VNN2: variants seen among roughly 807,000 people sequenced by gnomAD.
VNN2 encodes vanin 2, also known as pantetheine hydrolase VNN2.
In VNN2, 43 loss-of-function variants were observed where a neutral mutation model predicts 43.0. That is an observed-to-expected ratio of 1.00 (90% CI 0.78 to 1.29). The LOEUF (loss-of-function observed/expected upper bound fraction) is 1.29, where lower values mean the gene tolerates loss of function less well. Among genes scored for constraint, VNN2 ranks in the 50% most tolerant of loss-of-function variants. The probability of loss-of-function intolerance (pLI) is 0.00; values close to 1 mark genes in which losing one functional copy is unlikely to be tolerated. For missense variants in VNN2, 652 were observed against 619.7 expected (o/e 1.05, Z -0.55); for synonymous variants, 230 against 224.3 (o/e 1.03, Z -0.23).
intron 3 of VNN2, chr6:132,753,846 A>G: frequency 6.5e-6 from 1 of 154,704 alleles, no homozygotes; most frequent in South Asian, 1.8e-4. Flanking sequence ...CCAGCTACTC[A>G]GGAGGCTGAG....
chr6:132,751,781 C>A (rs1780122193), intron 4 of VNN2, among the ~76,000 whole-genome samples: 2 of 152,206 alleles, frequency 1.3e-5, no homozygotes, highest in Admixed American at 1.3e-4. Context: ...ATTAAACCAA[C>A]TACAAAAATC....
upstream of VNN2, chr6:132,757,998 TTTTTCTTCTTCTTCTTCTTC>T (rs1425097730): frequency 5.9e-5 from 28 of 475,198 alleles, 2 homozygotes; most frequent in African/African-American, 6.5e-4. Flanking sequence ...TTTATCATCA[TTTTTCTTCTTCTTCTTCTTC>T]TTCTTCTTCT....
chr6:132,758,524 T>A (rs931046157), upstream of VNN2, among the ~76,000 whole-genome samples: 1 of 152,176 alleles, frequency 6.6e-6, no homozygotes, highest in Admixed American at 6.5e-5. Flanking sequence ...CCAGCTTTTG[T>A]TAATAGAAAC....
rs752818889 is a variant in VNN2, at chr6:132,752,654, G to A, written c.633C>T (p.Cys211=). ...TAFGRFGIFT[C]FDIFFYDPGV... Reference sequence around the variant, plus strand: ...CAGGATCATAGAAGAATATATCAAAGCACGTGAAAATGCCAAACCTTCCAA... The same window carrying A: ...CAGGATCATAGAAGAATATATCAAAACACGTGAAAATGCCAAACCTTCCAA... The change falls in exon 4 of 7, where the codon TGC becomes TGT. Residue 211 remains cysteine (C), a synonymous_variant. Transcript: ENST00000326499. 9.4e-5 allele frequency: 152 copies of A among 1,614,012 alleles called. No homozygotes were observed. The highest frequency in any genetic ancestry group is 1.2e-4 in the Non-Finnish European group (141 of 1,180,026).
At position 132,744,482 on chromosome 6, in the gene VNN2, C is replaced by G; in HGVS notation, c.1381G>C (p.Asp461His). 6.4e-7 allele frequency: 1 copy of G among 1,572,544 alleles called. No individual in the cohort carries two copies. The highest frequency in any genetic ancestry group is 8.6e-7 in the Non-Finnish European group (1 of 1,164,666). Residue 461 changes from aspartate to histidine, a missense_variant, in exon 7 of 7, where the codon GAT becomes CAT. By Grantham distance (81) the Asp-to-His change is moderately conservative. Coordinates refer to ENST00000326499, the MANE Select transcript of VNN2 (RefSeq NM_004665.6). ...CCATTCTTGTTTACCAAACGCCCAT[C>G]TTTCAGCACCTAAAGAAAAGGTGGG... is the stretch of plus-strand genomic sequence containing the variant. Reference protein sequence around the residue: ...LSPGKFEVLKDGRLVNKNGSS... With the variant: ...LSPGKFEVLKHGRLVNKNGSS...
At chr6:132,752,859 T>C in intron 3 of VNN2, 110 bp from the exon 4 acceptor site, 1 of 1,222,564 alleles carries the variant, frequency 8.2e-7, no homozygotes, top group Non-Finnish European at 1.1e-6. Flanking sequence ...CTGCAGGGAA[T>C]CTCCTAGGAA....
rs1230697463 is a variant in VNN2, at chr6:132,757,712, T to C, written c.172A>G (p.Ile58Val). The C allele has an allele frequency of 6.8e-6, 11 of 1,614,210 alleles. No homozygotes were observed. Among genetic ancestry groups the C allele is most frequent in the African/African-American group, 1.3e-5 (1 of 75,060 alleles). The change falls in exon 1 of 7, where the codon ATA becomes GTA. Residue 58 changes from isoleucine (I) to valine (V), a missense_variant. Ile to Val is a conservative substitution (Grantham distance 29). Coordinates refer to ENST00000326499, the MANE Select transcript of VNN2 (RefSeq NM_004665.6). ...EDALNLMNENIDILETAIKQA... is the reference protein window; with the variant it reads ...EDALNLMNENVDILETAIKQA... ...TTGATCGCTGTCTCCAGAATGTCTA[T>C]ATTCTCGTTCATGAGATTCAAGGCA...
chr6:132,761,024 A>G (rs1216094105), upstream of VNN2, among the ~76,000 whole-genome samples: 1 of 152,218 alleles, frequency 6.6e-6, no homozygotes, highest in African/African-American at 2.4e-5. Flanking sequence ...AGCAATTTAA[A>G]TATAGGAAAA....
At chr6:132,753,507 T>A (rs150068345) in intron 3 of VNN2, 1 of 454,116 alleles carries the variant, frequency 2.2e-6, no homozygotes, top group Non-Finnish European at 4.4e-6. Flanking sequence ...AAAATTACCA[T>A]AGAAATGTAT....
rs149913930 is a variant in VNN2 at position 132,755,809 on chromosome 6, C to T, written c.537+34G>A. On this transcript the variant is annotated intron_variant, in intron 3 of 6. Coordinates refer to ENST00000326499, the MANE Select transcript of VNN2 (RefSeq NM_004665.6). ...AACCCAGCATTGACCACTCACAACA[C>T]GCTCCATTTTACACGTCCGTCACTC... 550 of 1,573,636 alleles carry T rather than the reference C, an allele frequency of 3.5e-4. 4 individuals are homozygous for T. The African/African-American group carries it at 5.9e-3, about 17-fold the overall frequency.
Position 132,751,459 on chromosome 6 carries a change from A to G in VNN2, c.886T>C (p.Leu296=). ...KVYHYDMKTE[L]GKLLLSEVDS... is the part of the protein sequence containing the mutation. ...ACCTCTGAAAGGAGAAGTTTTCCCA[A>G]CTCTGTCTTCATGTCATAATGATAC... The change falls in exon 5 of 7, where the codon TTG becomes CTG. Residue 296 remains leucine (L), a synonymous_variant. Coordinates refer to ENST00000326499, the MANE Select transcript of VNN2 (RefSeq NM_004665.6). 6.2e-7 allele frequency: 1 copy of G among 1,613,924 alleles called. No individual in the cohort carries two copies. The highest frequency in any genetic ancestry group is 1.1e-5 in the South Asian group (1 of 91,064).
In VNN2 at chr6:132,744,378, G is replaced by C. The variant is rs1245147739; in HGVS notation, c.1485C>G (p.Thr495=). ...GCAGGTAAGTTATTGCTGAATTGCT[G>C]GTCCCACATGAGCTGTAAAGTGAGT... ...TKDSLYSSCG[T]SNSAITYLLI... is the part of the protein sequence containing the mutation. Residue 495 remains threonine, a synonymous_variant, in exon 7 of 7, where the codon ACC becomes ACG. Coordinates refer to ENST00000326499, the MANE Select transcript of VNN2 (RefSeq NM_004665.6). 1 of 1,613,404 alleles carries C rather than the reference G, an allele frequency of 6.2e-7. No individual in the cohort carries two copies.
chr6:132,751,390 T>G lies in VNN2; in HGVS notation c.955A>C (p.Asn319His). 1 of 1,614,184 alleles carries G rather than the reference T, an allele frequency of 6.2e-7. No individual in the cohort carries two copies. The highest frequency in any genetic ancestry group is 1.3e-5 in the African/African-American group (1 of 75,044). ...ATGGTGGTGGCGTAGGCATTCCAAT[T>G]AACAGCTGTTGGGTAGGCAAGCGAG... ...LSSLAYPTAV[N>H]WNAYATTIKP... The change falls in exon 5 of 7, where the codon AAT becomes CAT. Residue 319 changes from asparagine to histidine, a missense_variant. By Grantham distance (68) the Asn-to-His change is moderately conservative (BLOSUM62 1). Coordinates refer to ENST00000326499, the MANE Select transcript of VNN2 (RefSeq NM_004665.6).
rs2114562032 is a variant in VNN2, at chr6:132,751,276, T to C, written c.1069A>G (p.Asn357Asp). ...AGCTCCTTTTGACAGACTGTAAGGT[T>C]TCCTGCATTTTCAAAAAGTTCTGTG... ...NFTELFENAG[N>D]LTVCQKELCC... Residue 357 changes from asparagine to aspartate, a missense_variant, in exon 5 of 7, where the codon AAC becomes GAC. Asn to Asp is a conservative substitution (Grantham distance 23). Transcript: ENST00000326499. The C allele has an allele frequency of 2.5e-6, 4 of 1,614,198 alleles. No homozygotes were observed. The highest frequency in any genetic ancestry group is 3.4e-6 in the Non-Finnish European group (4 of 1,180,036).
rs780213129 is a variant in VNN2, at chr6:132,751,518, C to A, written c.827G>T (p.Gly276Val). ...NTHHVSLNMT[G>V]SGIYAPNGPK... Reference sequence around the variant, plus strand: ...ACCATTTGGTGCATAAATACCACTTCCTGTGAATGAAAGACAAGTCTTCTA... The same window carrying A: ...ACCATTTGGTGCATAAATACCACTTACTGTGAATGAAAGACAAGTCTTCTA... Residue 276 changes from glycine (G) to valine (V), a missense_variant and splice_region_variant, in exon 5 of 7, where the codon GGA becomes GTA. By Grantham distance (109) the Gly-to-Val change is moderately radical (BLOSUM62 -3). Transcript: ENST00000326499. The A allele has an allele frequency of 5.0e-6, 8 of 1,595,410 alleles. No individual in the cohort carries two copies. In the African/African-American group the frequency reaches 8.1e-5, roughly 16 times the overall value.
intron 3 of VNN2, chr6:132,753,745 AGCTC>A: frequency 3.4e-5 from 7 of 207,324 alleles, no homozygotes; most frequent in Non-Finnish European, 6.0e-5. Context: ...TGAGGCCAGG[AGCTC>A]AAGACCAGCC....
At chr6:132,760,293 G>A (rs957658644), upstream of VNN2, among the ~76,000 whole-genome samples, 15 of 152,084 alleles carry the variant, frequency 9.9e-5, no homozygotes, top group African/African-American at 3.4e-4. Flanking sequence ...TTCCACCTCA[G>A]CCTCGCTAGT....
intron 4 of VNN2, 76 bp from the exon 5 acceptor site, chr6:132,751,594 A>G: frequency 6.6e-7 from 1 of 1,524,612 alleles, no homozygotes; most frequent in East Asian, 2.3e-5. Flanking sequence ...CCCCATCAGA[A>G]TTGGGCATGT....
At chr6:132,750,772 G>C (rs928732641) in intron 5 of VNN2, among the ~76,000 whole-genome samples, 3 of 152,002 alleles carry the variant, frequency 2.0e-5, no homozygotes, top group Non-Finnish European at 4.4e-5. Flanking sequence ...TTTACTGTTA[G>C]TTTTGCAAGT....
Sources: allele counts gnomAD v4.1 joint callset (sites outside exome capture counted in the v4.1 genomes callset), GRCh38; gene constraint gnomAD v4.1.1; transcripts MANE v1.5; gene names NCBI Gene and HGNC (gene_info 2026-07-23, HGNC 2026-07-21).